SEC63: variants seen among roughly 807,000 people sequenced by gnomAD.
The protein encoded by SEC63 is SEC63 protein translocation regulator.
A neutral mutation model predicts 116.2 loss-of-function variants in SEC63; 56 were observed. That is an observed-to-expected ratio of 0.48 (90% confidence interval 0.39 to 0.60). The LOEUF (loss-of-function observed/expected upper bound fraction) is 0.60, where lower values mean the gene tolerates loss of function less well. Ranked by LOEUF, SEC63 falls within the 20% of genes least tolerant of loss-of-function variation. The pLI is 0.00. For synonymous variants in SEC63, 273 were observed against 294.6 expected (o/e 0.93, Z 0.75); for missense variants, 668 against 900.0 (o/e 0.74, Z 3.30).
Position 107,902,982 on chromosome 6 carries a change from A to G in SEC63, c.1071T>C (p.Ala357=), listed in dbSNP as rs1239969925. Residue 357 remains alanine, a synonymous_variant, in exon 12 of 21, where the codon GCT becomes GCC. Transcript: ENST00000369002. ...AGTTTTCTAGGGATGCCAAAGTTGG[A>G]GCACGAAACTCCCTTTCTTAGAAAG... The part of the protein sequence containing the change: ...ARNREEREFR[A]PTLASLENCM... 6.2e-7 allele frequency: 1 copy of G among 1,613,966 alleles called. No homozygotes were observed. Among genetic ancestry groups the G allele is most frequent in the African/African-American group, 1.3e-5 (1 of 74,908 alleles).
chr6:107,893,431 AG>A (rs1191761866), intron 16 of SEC63, 50 bp downstream of exon 16: 1 of 1,545,676 alleles, frequency 6.5e-7, no homozygotes, highest in African/African-American at 1.4e-5. Flanking sequence ...TGAACATTTT[AG>A]TTTGTATATT....
chr6:107,911,036 A>C (rs1787272333), intron 7 of SEC63: 1 of 286,810 alleles, frequency 3.5e-6, no homozygotes, highest in South Asian at 4.9e-5. Context: ...TTGAATTGGG[A>C]GGATATACAC....
intron 8 of SEC63, among the ~76,000 whole-genome samples, chr6:107,907,004 T>G (rs1188067949): frequency 6.6e-6 from 1 of 152,060 alleles, no homozygotes; most frequent in Non-Finnish European, 1.5e-5. Flanking sequence ...GAAGTATAGA[T>G]CAAATAAAGC....
intron 19 of SEC63, among the ~76,000 whole-genome samples, chr6:107,875,168 GC>G (rs1016316486): frequency 3.9e-5 from 6 of 152,068 alleles, no homozygotes; most frequent in Non-Finnish European, 7.4e-5. Flanking sequence ...CCAGCCCAAG[GC>G]CCTGGTTCTT....
intron 7 of SEC63, 99 bp downstream of exon 7, chr6:107,911,247 G>A: frequency 1.2e-6 from 1 of 826,870 alleles, no homozygotes; most frequent in South Asian, 1.5e-5. Context: ...AGGATCAATG[G>A]GTTATATTCT....
intron 4 of SEC63, 36 bp from the exon 5 acceptor site, chr6:107,913,463 G>C: frequency 6.7e-7 from 1 of 1,500,492 alleles, no homozygotes; most frequent in Non-Finnish European, 9.3e-7. Flanking sequence ...AAATTAGAAA[G>C]CCACATCTGA....
chr6:107,919,512 G>A (rs1240776378), intron 4 of SEC63, among the ~76,000 whole-genome samples: 1 of 152,120 alleles, frequency 6.6e-6, no homozygotes, highest in Admixed American at 6.6e-5. Flanking sequence ...GAATGTGAGA[G>A]GATTGACTCC....
Position 107,871,646 on chromosome 6 carries a change from C to A in SEC63, c.*58G>T, listed in dbSNP as rs1005716747. ...ACTGTTTCTGGTTTATGATACACTT[C>A]CAAAACAGCAAAAAATTGCAAATAT... On this transcript the variant is annotated 3_prime_UTR_variant, in exon 21 of 21. Transcript: ENST00000369002. 17 of 1,590,386 alleles carry A rather than the reference C, an allele frequency of 1.1e-5. No homozygotes were observed. In the East Asian group the frequency reaches 3.6e-4, roughly 33 times the overall value.
At chr6:107,908,741 G>A (rs902141087) in intron 8 of SEC63, among the ~76,000 whole-genome samples, 186 bp downstream of exon 8, 11 of 152,076 alleles carry the variant, frequency 7.2e-5, no homozygotes, top group Non-Finnish European at 1.6e-4. Context: ...TGTGAATAAT[G>A]AAAATATAAA....
rs140289246 is a variant in SEC63, at chr6:107,904,649, A to G, written c.1034T>C (p.Val345Ala). The G allele has an allele frequency of 3.7e-6, 6 of 1,612,298 alleles. No individual in the cohort carries two copies. The African/African-American group carries it at 6.7e-5, about 18-fold the overall frequency. Residue 345 changes from valine (V) to alanine (A), a missense_variant, in exon 11 of 21, where the codon GTA (valine) becomes GCA (alanine). This residue lies in a region of SEC63 where 430 missense variants were observed against 557.5 expected (regional missense o/e 0.77). Transcript: ENST00000369002. Reference sequence around the variant, plus strand: ...CTCACCTTCACGGTTCCGGGCCATTACTATTAGTTGGCAGATTACATTAAC... The same window carrying G: ...CTCACCTTCACGGTTCCGGGCCATTGCTATTAGTTGGCAGATTACATTAAC... ...EMVNVICQLI[V>A]MARNREEREF...
At chr6:107,944,612 A>T (rs142950396) in intron 1 of SEC63, among the ~76,000 whole-genome samples, 72 of 152,166 alleles carry the variant, frequency 4.7e-4, no homozygotes, top group African/African-American at 1.7e-3. Flanking sequence ...CAGGAGAATC[A>T]CTTAAACCCG....
intron 1 of SEC63, among the ~76,000 whole-genome samples, chr6:107,933,990 C>T (rs538740796): frequency 3.3e-5 from 5 of 152,352 alleles, no homozygotes; most frequent in African/African-American, 4.8e-5. Flanking sequence ...CCCGAGGTGC[C>T]GGGTTTGCAG....
At chr6:107,957,578 G>T in intron 1 of SEC63, 1 of 212,208 alleles carries the variant, frequency 4.7e-6, no homozygotes, top group East Asian at 1.1e-4. Context: ...CCTCCATAAA[G>T]AAAAATCCCC....
rs200626178 is a variant in SEC63, at chr6:107,883,054, T to G, written c.1767A>C (p.Lys589Asn). 1 of 1,613,346 alleles carries G rather than the reference T, an allele frequency of 6.2e-7. No individual in the cohort carries two copies. The highest frequency in any genetic ancestry group is 1.1e-5 in the South Asian group (1 of 91,080). ...CAGAGTCTCTGTCACTACCATCATC[T>G]TTCTCACTTTGGGAATCTCTATTGG... The part of the protein sequence containing the change: ...EETNRDSQSE[K>N]DDGSDRDSDR... Residue 589 changes from lysine to asparagine, a missense_variant, in exon 17 of 21, where the codon AAA becomes AAC. By Grantham distance (94) the Lys-to-Asn change is moderately conservative. Around this residue, in one of 5 missense-constraint regions of SEC63, gnomAD observed 430 missense variants for 557.5 expected, o/e 0.77. Transcript: ENST00000369002.
At chr6:107,883,624 T>C (rs931729173) in intron 16 of SEC63, among the ~76,000 whole-genome samples, 1 of 149,166 alleles carries the variant, frequency 6.7e-6, no homozygotes, top group Non-Finnish European at 1.5e-5. Context: ...CAAGACCTGA[T>C]CCCTTAAAAA....
At chr6:107,897,076 A>G (rs773594794) in intron 14 of SEC63, among the ~76,000 whole-genome samples, 2 of 152,086 alleles carry the variant, frequency 1.3e-5, no homozygotes, top group Non-Finnish European at 2.9e-5. Context: ...GAAGGGATCC[A>G]TGACAAAAAC....
intron 2 of SEC63, among the ~76,000 whole-genome samples, chr6:107,927,584 T>C (rs1787703668): frequency 6.6e-6 from 1 of 152,202 alleles, no homozygotes. Context: ...ATTAAATCAC[T>C]TTATTAATCA....
Position 107,879,724 on chromosome 6 carries a change from CTTTTT to C in SEC63, c.1935+1420_1935+1424del, listed in dbSNP as rs67569380. On this transcript the variant is annotated intron_variant, in intron 18 of 20. Transcript: ENST00000369002. ...ATTTTGCTGATAAAATGATTTTTAT[CTTTTT>C]TTTTTTTTTTTTTGAGACAGGGTCT... 4.8e-3 allele frequency among the ~76,000 whole-genome samples: 609 copies of C among 126,674 alleles called. 3 individuals are homozygous for C. Among genetic ancestry groups the C allele is most frequent in the African/African-American group, 0.016 (552 of 33,930 alleles). The allele number at this position is 126,674 out of a possible 152,430, so 83.1% of individuals were successfully genotyped here. A position where few individuals can be genotyped will look rare whatever the true frequency, so the allele number is the denominator to read the frequency against.
At chr6:107,896,717 G>T (rs1469909116) in intron 14 of SEC63, among the ~76,000 whole-genome samples, 1 of 152,212 alleles carries the variant, frequency 6.6e-6, no homozygotes, top group East Asian at 1.9e-4. Flanking sequence ...GGTAGCTCAC[G>T]CCTGTAATCC....
Sources: gnomAD v4.1 joint callset for allele counts (sites outside exome capture counted in the v4.1 genomes callset) on GRCh38, gnomAD v4.1.1 for gene constraint, gnomAD v4.1.1 regional missense constraint, MANE v1.5 for transcripts, NCBI Gene and HGNC (gene_info 2026-07-23, HGNC 2026-07-21) for gene names.